Variants in PTPRD observed in about 807,000 individuals in gnomAD.
The protein encoded by PTPRD is receptor-type tyrosine-protein phosphatase delta.
Under a neutral mutation model 214.5 loss-of-function variants are expected in PTPRD, and 34 were observed. That is an observed-to-expected ratio of 0.16 (90% CI 0.12 to 0.21). The LOEUF is 0.21. PTPRD is among the 10% of genes least tolerant of loss of function. The probability of loss-of-function intolerance (pLI) is 1.00; values close to 1 mark genes in which losing one functional copy is unlikely to be tolerated. For missense variants in PTPRD, 2,545 were observed against 2,398.7 expected (o/e 1.06, Z -1.27); for synonymous variants, 1,128 against 845.7 (o/e 1.33, Z -5.79).
intron 11 of PTPRD, among the ~76,000 whole-genome samples, chr9:8,840,176 G>C (rs1226948659): frequency 1.3e-5 from 2 of 152,104 alleles, no homozygotes; most frequent in South Asian, 2.1e-4. Flanking sequence ...ACTACCTTTG[G>C]TTTAAATTTG....
chr9:9,847,584 T>C (rs769523915), intron 5 of PTPRD, among the ~76,000 whole-genome samples: 43 of 152,110 alleles, frequency 2.8e-4, no homozygotes, highest in Non-Finnish European at 5.3e-4. Context: ...TTCTTGCCAC[T>C]TTACAGGAAA....
In PTPRD at chr9:8,623,868, G is replaced by C. The variant is rs78015620; in HGVS notation, c.352+9449C>G. Among the ~76,000 whole-genome samples, 162 of 151,866 alleles carry C rather than the reference G, an allele frequency of 1.1e-3. 4 individuals are homozygous for C. The East Asian group carries it at 0.03, about 28-fold the overall frequency. ...CACCTTCTATCACTTCCTACACCAA[G>C]GTTGGTAACAGAAATAATCAAAAAA... On this transcript the variant is annotated intron_variant, in intron 14 of 45. Coordinates refer to ENST00000381196, the MANE Select transcript of PTPRD (RefSeq NM_002839.4).
chr9:10,420,921 G>T lies in PTPRD; in HGVS notation c.-599-79904C>A, dbSNP rs1049568227. Among the ~76,000 whole-genome samples, 2 of 151,622 alleles carry T rather than the reference G, an allele frequency of 1.3e-5. 1 individual carries two copies. Among genetic ancestry groups the T allele is most frequent in the Middle Eastern group, 6.8e-3 (2 of 292 alleles). ...ACATTTTGCTACTGTTACAGAAATT[G>T]TCTCATGCTTTCTTCACTGAGGAGG... On this transcript the variant is annotated intron_variant, in intron 2 of 45. Coordinates refer to ENST00000381196, the MANE Select transcript of PTPRD (RefSeq NM_002839.4).
At chr9:8,419,969 C>T (rs2094240050) in intron 35 of PTPRD, among the ~76,000 whole-genome samples, 1 of 152,040 alleles carries the variant, frequency 6.6e-6, no homozygotes, top group African/African-American at 2.4e-5. Flanking sequence ...ACACTAACTG[C>T]CCTGACCTAC....
At chr9:10,269,373 TTTTG>T (rs1325241238) in intron 3 of PTPRD, among the ~76,000 whole-genome samples, 81 of 152,292 alleles carry the variant, frequency 5.3e-4, no homozygotes, top group African/African-American at 1.7e-3. Flanking sequence ...TGAGTAATAT[TTTTG>T]TTTGTTTGTA....
intron 9 of PTPRD, among the ~76,000 whole-genome samples, chr9:9,294,805 A>T (rs1952448463): frequency 6.6e-6 from 1 of 151,666 alleles, no homozygotes; most frequent in Non-Finnish European, 1.5e-5. Context: ...GCCTGAGCAA[A>T]CTAATATACT....
intron 2 of PTPRD, among the ~76,000 whole-genome samples, chr9:10,363,992 T>TG: frequency 2.7e-5 from 1 of 36,488 alleles, no homozygotes; most frequent in Non-Finnish European, 7.3e-5. Context: ...CATTTTCGGG[T>TG]TTTTTTTTTT....
At chr9:9,152,661 G>T (rs1388845097) in intron 10 of PTPRD, among the ~76,000 whole-genome samples, 1 of 152,158 alleles carries the variant, frequency 6.6e-6, no homozygotes, top group Admixed American at 6.5e-5. Flanking sequence ...TTCGAATATT[G>T]CTGTGGCGCT....
At chr9:9,248,486 A>G (rs2099974022) in intron 9 of PTPRD, among the ~76,000 whole-genome samples, 1 of 152,076 alleles carries the variant, frequency 6.6e-6, no homozygotes, top group Non-Finnish European at 1.5e-5. Flanking sequence ...GAATTTTTCT[A>G]ATGTTAGGGC....
At chr9:9,136,657 GT>G (rs1181374114) in intron 10 of PTPRD, among the ~76,000 whole-genome samples, 1 of 152,076 alleles carries the variant, frequency 6.6e-6, no homozygotes, top group Non-Finnish European at 1.5e-5. Flanking sequence ...CAACTGCAGT[GT>G]TTCCATGTAG....
At chr9:10,316,573 G>A (rs973851639) in intron 3 of PTPRD, among the ~76,000 whole-genome samples, 1 of 151,868 alleles carries the variant, frequency 6.6e-6, no homozygotes, top group South Asian at 2.1e-4. Context: ...ATTTCATTTG[G>A]TCTTTTTCCA....
At chr9:9,493,999 A>G (rs1716634345) in intron 8 of PTPRD, among the ~76,000 whole-genome samples, 1 of 152,108 alleles carries the variant, frequency 6.6e-6, no homozygotes, top group Admixed American at 6.6e-5. Context: ...AGAGTTTGGA[A>G]GATTATTCCA....
At chr9:8,495,267 C>T (rs927452026) in intron 26 of PTPRD, among the ~76,000 whole-genome samples, 14 of 152,124 alleles carry the variant, frequency 9.2e-5, no homozygotes, top group African/African-American at 2.7e-4. Context: ...TTTTAATGAA[C>T]GGTAACACAT....
At chr9:9,717,102 T>G (rs1367715708) in intron 7 of PTPRD, among the ~76,000 whole-genome samples, 2 of 152,082 alleles carry the variant, frequency 1.3e-5, no homozygotes, top group African/African-American at 4.8e-5. Context: ...ATTTATTAAA[T>G]AGGGAATCCT....
In PTPRD at chr9:8,973,303, C is replaced by T. The variant is rs189467187; in HGVS notation, c.-104+45394G>A. 1.9e-3 allele frequency among the ~76,000 whole-genome samples: 286 copies of T among 152,020 alleles called. 1 individual carries two copies. The highest frequency in any genetic ancestry group is 3.1e-3 in the Non-Finnish European group (213 of 67,912). ...TCAATGTTTAGCTCCCATTTATAGA[C>T]GGACACACAGGATTTAGTTTTCTGT... On this transcript the variant is annotated intron_variant, in intron 11 of 45. Coordinates refer to ENST00000381196, the MANE Select transcript of PTPRD (RefSeq NM_002839.4).
chr9:9,288,463 C>T (rs536413774), intron 9 of PTPRD, among the ~76,000 whole-genome samples: 9 of 151,844 alleles, frequency 5.9e-5, no homozygotes, highest in African/African-American at 2.2e-4. Flanking sequence ...AGAGTATTTC[C>T]ATAGTCATTA....
At chr9:10,181,729 A>C (rs2099289993) in intron 3 of PTPRD, among the ~76,000 whole-genome samples, 1 of 151,704 alleles carries the variant, frequency 6.6e-6, no homozygotes, top group Non-Finnish European at 1.5e-5. Flanking sequence ...GGCAAGGTGA[A>C]CTGTTAGTAA....
chr9:10,316,206 C>T (rs2096425946), intron 3 of PTPRD, among the ~76,000 whole-genome samples: 1 of 147,010 alleles, frequency 6.8e-6, no homozygotes, highest in African/African-American at 2.5e-5. Flanking sequence ...GACACACACA[C>T]ATATATGATA....
chr9:9,450,884 A>T (rs1166108040), intron 8 of PTPRD, among the ~76,000 whole-genome samples: 1 of 151,548 alleles, frequency 6.6e-6, no homozygotes, highest in East Asian at 1.9e-4. Flanking sequence ...TCTAAAATCC[A>T]AGAAAAAATG....
Sources: allele counts gnomAD v4.1 joint callset (sites outside exome capture counted in the v4.1 genomes callset), GRCh38; gene constraint gnomAD v4.1.1; transcripts MANE v1.5; gene names NCBI Gene and HGNC (gene_info 2026-07-23, HGNC 2026-07-21).